RCBTB1: variants seen among roughly 807,000 people sequenced by gnomAD.
RCBTB1 encodes RCC1 and BTB domain containing protein 1.
In RCBTB1, 46 loss-of-function variants were observed where a neutral mutation model predicts 62.4. The observed-to-expected ratio is 0.74, with a 90% CI of 0.58 to 0.94. The LOEUF (loss-of-function observed/expected upper bound fraction) is 0.94, where lower values mean the gene tolerates loss of function less well. RCBTB1 is among the 40% of genes least tolerant of loss of function. The pLI, the probability that RCBTB1 is intolerant of heterozygous loss-of-function variation, is 0.00. For synonymous variants in RCBTB1, 222 were observed against 245.8 expected, an observed-to-expected ratio of 0.90 and a Z score of 0.91; for missense variants, 565 against 654.9, an observed-to-expected ratio of 0.86 and a Z score of 1.50.
In RCBTB1 at chr13:49,541,879, GA is replaced by G. The variant is rs539883749; in HGVS notation, c.1173-53del. On this transcript the variant is annotated intron_variant, in intron 10 of 12. Coordinates refer to ENST00000378302, the MANE Select transcript of RCBTB1 (RefSeq NM_018191.4). ...TTGTTCAGCAGCAATTTTTAAAAAA[GA>G]AAAAAAAATTACCTAATTAAGTTGA... 1.8e-3 allele frequency: 2,691 copies of G among 1,520,222 alleles called. 6 individuals are homozygous for G. Among genetic ancestry groups the G allele is most frequent in the Non-Finnish European group, 2.1e-3 (2,408 of 1,138,606 alleles). 94.2% of individuals were successfully genotyped at this position (1,520,222 alleles called of 1,614,324 possible). A position where few individuals can be genotyped will look rare whatever the true frequency, so the allele number is the denominator to read the frequency against.
At position 49,567,246 on chromosome 13, in the gene RCBTB1, G is replaced by T; in HGVS notation, c.34C>A (p.Leu12Ile). The T allele has an allele frequency of 6.2e-7, 1 of 1,614,056 alleles. No homozygotes were observed. Residue 12 changes from leucine (L) to isoleucine (I), a missense_variant, in exon 3 of 13, where the codon CTA becomes ATA. By Grantham distance (5) the Leu-to-Ile change is conservative. Transcript: ENST00000378302. ...GACGCGATCTCTTGAGGGGAGAGTA[G>T]AGTGAAGATGGGCCACTTTCCGACA... ...VDVGKWPIFT[L>I]LSPQEIASIR...
At chr13:49,553,836 T>C (rs1437103567) in intron 6 of RCBTB1, among the ~76,000 whole-genome samples, 1 of 152,192 alleles carries the variant, frequency 6.6e-6, no homozygotes, top group Non-Finnish European at 1.5e-5. Flanking sequence ...TGGCTATCAG[T>C]ATTTCAAATG....
rs1301983940 is a variant in RCBTB1, at chr13:49,552,275, C to G, written c.614G>C (p.Trp205Ser). Residue 205 changes from tryptophan to serine, a missense_variant, in exon 7 of 13, where the codon TGG (tryptophan) becomes TCG (serine). Trp to Ser is a radical substitution (Grantham distance 177). Transcript: ENST00000378302. ...CAGCTGACCGTTGCCATTGTAACCCCAGCCATATACCTTAGAGAGGACAGA... is the reference window on the plus strand; with the variant it reads ...CAGCTGACCGTTGCCATTGTAACCCGAGCCATATACCTTAGAGAGGACAGA... Reference protein sequence around the residue: ...AVLDNGEVYGWGYNGNGQLGL... With the variant: ...AVLDNGEVYGSGYNGNGQLGL... The G allele has an allele frequency of 6.3e-7, 1 of 1,597,192 alleles. No homozygotes were observed.
At position 49,540,917 on chromosome 13, in the gene RCBTB1, C is replaced by T. The variant is rs1960302993; in HGVS notation, c.1414G>A (p.Ala472Thr). 1 of 1,613,752 alleles carries T rather than the reference C, an allele frequency of 6.2e-7. No individual in the cohort carries two copies. The highest frequency in any genetic ancestry group is 1.3e-5 in the African/African-American group (1 of 74,934). ...IIKRGITVENAFSLFSAAVRY... is the reference protein window; with the variant it reads ...IIKRGITVENTFSLFSAAVRY... ...ACTGCAGCAGAGAATAGCGAAAAGGCATTCTCCACAGTAATTCCTCTCTTG... is the reference window on the plus strand; with the variant it reads ...ACTGCAGCAGAGAATAGCGAAAAGGTATTCTCCACAGTAATTCCTCTCTTG... The change falls in exon 12 of 13, where the codon GCC becomes ACC. Residue 472 changes from alanine to threonine, a missense_variant. Coordinates refer to ENST00000378302, the MANE Select transcript of RCBTB1 (RefSeq NM_018191.4).
At chr13:49,565,483 G>C (rs1257674221) in intron 4 of RCBTB1, among the ~76,000 whole-genome samples, 1 of 149,544 alleles carries the variant, frequency 6.7e-6, no homozygotes, top group African/African-American at 2.5e-5. Context: ...CCCATGGTCT[G>C]GGATGTGAGG....
At chr13:49,557,710 A>G (rs7988350) in intron 5 of RCBTB1, among the ~76,000 whole-genome samples, 37,149 of 151,882 alleles carry the variant, frequency 0.24, 5,877 homozygotes, top group African/African-American at 0.44. Flanking sequence ...GCTTGAGCCC[A>G]GGAGTTCAAG....
At chr13:49,563,710 G>A (rs1037571332) in intron 4 of RCBTB1, among the ~76,000 whole-genome samples, 1 of 152,172 alleles carries the variant, frequency 6.6e-6, no homozygotes, top group African/African-American at 2.4e-5. Flanking sequence ...GCATGATTAC[G>A]CAAGGCAAAA....
chr13:49,553,929 A>T (rs536425452), intron 6 of RCBTB1, among the ~76,000 whole-genome samples: 16 of 152,370 alleles, frequency 1.1e-4, no homozygotes, highest in African/African-American at 3.6e-4. Context: ...ACATACACAG[A>T]GTAACATAGA....
intron 12 of RCBTB1, chr13:49,538,019 C>T (rs548947024): frequency 3.7e-4 from 57 of 152,336 alleles, no homozygotes; most frequent in African/African-American, 1.3e-3. Context: ...CAGGTAGTCT[C>T]CATCTTCCTA....
rs578106965 is a variant in RCBTB1, at chr13:49,565,595, G to A, written c.277+1023C>T. 3.9e-5 allele frequency among the ~76,000 whole-genome samples: 5 copies of A among 129,510 alleles called. 1 individual carries two copies. Among genetic ancestry groups the A allele is most frequent in the Non-Finnish European group, 6.4e-5 (4 of 62,286 alleles). The allele number at this position is 129,510 out of a possible 152,430, so 85.0% of individuals were successfully genotyped here. A position where few individuals can be genotyped will look rare whatever the true frequency, so the allele number is the denominator to read the frequency against. On this transcript the variant is annotated intron_variant, in intron 4 of 12. Transcript: ENST00000378302. ...GAGCGTCTCTGCCCGGCCGCCCATC[G>A]TCTGGGATGTGAGGAGCGCCTCTGC...
chr13:49,561,594 A>G (rs9568259), intron 4 of RCBTB1, among the ~76,000 whole-genome samples: 37,092 of 152,136 alleles, frequency 0.24, 5,838 homozygotes, highest in African/African-American at 0.44. Context: ...CCTTGTTCTT[A>G]GATGGGAAAA....
chr13:49,536,229 AC>A (rs1321903080), intron 12 of RCBTB1, among the ~76,000 whole-genome samples: 3 of 152,158 alleles, frequency 2.0e-5, no homozygotes, highest in African/African-American at 7.2e-5. Context: ...AATTCTGAAA[AC>A]AATCTAAATC....
intron 12 of RCBTB1, 78 bp downstream of exon 12, chr13:49,540,798 T>C: frequency 2.0e-6 from 3 of 1,486,728 alleles, no homozygotes; most frequent in Non-Finnish European, 2.7e-6. Context: ...TCGTTTTCCA[T>C]GCCTCACGCA....
At chr13:49,575,986 A>T (rs1239237788) in intron 2 of RCBTB1, among the ~76,000 whole-genome samples, 1 of 152,060 alleles carries the variant, frequency 6.6e-6, no homozygotes. Context: ...AGAGATCGAG[A>T]CCATCCTGGC....
intron 11 of RCBTB1, 24 bp from the exon 12 acceptor site, chr13:49,541,030 T>C (rs199916443): frequency 6.2e-7 from 1 of 1,601,128 alleles, no homozygotes; most frequent in Non-Finnish European, 8.5e-7. Context: ...ATGTGAAAGG[T>C]TTAATCAAAT....
At chr13:49,561,366 A>G (rs570289864) in intron 4 of RCBTB1, among the ~76,000 whole-genome samples, 24 of 152,324 alleles carry the variant, frequency 1.6e-4, no homozygotes, top group Admixed American at 1.2e-3. Context: ...GTGGCTCACA[A>G]GAGCCATTCC....
intron 12 of RCBTB1, among the ~76,000 whole-genome samples, chr13:49,535,595 T>C (rs1390281863): frequency 4.6e-5 from 7 of 152,084 alleles, no homozygotes; most frequent in Admixed American, 3.9e-4. Context: ...CACACAAACA[T>C]GGAGAGACCC....
At chr13:49,564,640 C>T (rs1166239974) in intron 4 of RCBTB1, among the ~76,000 whole-genome samples, 4 of 148,874 alleles carry the variant, frequency 2.7e-5, no homozygotes, top group African/African-American at 1.0e-4. Flanking sequence ...GCCTGTAATC[C>T]CAGCACTTTG....
Position 49,534,107 on chromosome 13 carries a change from C to A in RCBTB1, c.*15G>T. ...TGCCCCAGAGCACTCACACAGAACC[C>A]AGCAGCCTTGCGCTTCAGTTCTTAA... On this transcript the variant is annotated 3_prime_UTR_variant, in exon 13 of 13. Transcript: ENST00000378302. 6.2e-7 allele frequency: 1 copy of A among 1,612,538 alleles called. No individual in the cohort carries two copies. The highest frequency in any genetic ancestry group is 8.5e-7 in the Non-Finnish European group (1 of 1,179,192).
Sources: gnomAD v4.1 joint callset for allele counts (sites outside exome capture counted in the v4.1 genomes callset) on GRCh38, gnomAD v4.1.1 for gene constraint, MANE v1.5 for transcripts, NCBI Gene and HGNC (gene_info 2026-07-23, HGNC 2026-07-21) for gene names.